The following DMD variants were observed in gnomAD, a reference collection of about 807,000 sequenced individuals.
DMD encodes mutant dystrophin.
Under a neutral mutation model 330.1 loss-of-function variants are expected in DMD, and 63 were observed. The ratio of observed to expected loss-of-function variants is 0.19; its 90% CI spans 0.16 to 0.24. The LOEUF is 0.24. Ranked by LOEUF, DMD falls within the 10% of genes least tolerant of loss-of-function variation. The probability of loss-of-function intolerance (pLI) is 1.00; values close to 1 mark genes in which losing one functional copy is unlikely to be tolerated. For synonymous variants in DMD, 1,223 were observed against 959.8 expected, an observed-to-expected ratio of 1.27 and a Z score of -5.07; for missense variants, 3,344 against 2,684.1, an observed-to-expected ratio of 1.25 and a Z score of -5.43.
chrX:32,397,249 A>G (rs1446775832), intron 30 of DMD, among the ~76,000 whole-genome samples: 3 of 111,500 alleles, frequency 2.7e-5, no homozygotes, highest in African/African-American at 6.5e-5. Context: ...CTAGGGGGAT[A>G]TGGATAGTAA....
chrX:32,441,786 A>G (rs1319483882), intron 27 of DMD, among the ~76,000 whole-genome samples: 1 of 111,459 alleles, frequency 9.0e-6, no homozygotes, highest in Non-Finnish European at 1.9e-5. Flanking sequence ...ATTACTAAGA[A>G]GACATATTTT....
At chrX:32,786,902 T>C (rs1025204832) in intron 7 of DMD, among the ~76,000 whole-genome samples, 2 of 111,350 alleles carry the variant, frequency 1.8e-5, no homozygotes, top group Non-Finnish European at 3.8e-5. Context: ...TTATACAATA[T>C]CAAGCAATGT....
At chrX:32,597,809 T>C (rs900239573) in intron 12 of DMD, among the ~76,000 whole-genome samples, 1 of 112,098 alleles carries the variant, frequency 8.9e-6, no homozygotes, top group African/African-American at 3.2e-5. Flanking sequence ...CCATAAGACC[T>C]TACCCTGTTA....
At chrX:31,322,755 T>C (rs905849802) in intron 62 of DMD, among the ~76,000 whole-genome samples, 2 of 111,830 alleles carry the variant, frequency 1.8e-5, no homozygotes, top group Non-Finnish European at 3.8e-5. Flanking sequence ...CGGAAAAAAA[T>C]GGGAAAACAT....
At chrX:32,692,201 G>C (rs888592188) in intron 9 of DMD, among the ~76,000 whole-genome samples, 1 of 112,217 alleles carries the variant, frequency 8.9e-6, no homozygotes, top group Admixed American at 9.4e-5. Flanking sequence ...TAAACGATAA[G>C]AGTGTAACTG....
chrX:32,100,391 G>GTATATA (rs57119778), intron 44 of DMD, among the ~76,000 whole-genome samples: 23 of 98,144 alleles, frequency 2.3e-4, no homozygotes, highest in African/African-American at 9.4e-4. Flanking sequence ...ATATATATAT[G>GTATATA]TATATATATA....
chrX:32,887,206 G>A lies in DMD; in HGVS notation c.94-37386C>T, dbSNP rs748480766. 2.1e-4 allele frequency among the ~76,000 whole-genome samples: 23 copies of A among 108,694 alleles called. No homozygotes were observed. The East Asian group carries it at 6.5e-3, about 31-fold the overall frequency. 94.4% of individuals were successfully genotyped at this position (108,694 alleles called of 115,157 possible). On this transcript the variant is annotated intron_variant, in intron 2 of 78. Transcript: ENST00000357033. The stretch of plus-strand genomic sequence containing the variant: ...ACTAAAAATACAAAAAATTAGCCGG[G>A]CGTGCTGACAGGAGCCTGTAGTCCC...
chrX:32,495,550 A>G (rs958455455), intron 19 of DMD, among the ~76,000 whole-genome samples: 28 of 111,897 alleles, frequency 2.5e-4, no homozygotes, highest in African/African-American at 8.8e-4. Context: ...CCTCTCTTCA[A>G]TTAAAATGAG....
intron 2 of DMD, among the ~76,000 whole-genome samples, chrX:32,953,068 G>T (rs1348880321): frequency 9.4e-6 from 1 of 106,087 alleles, no homozygotes; most frequent in Non-Finnish European, 1.9e-5. Context: ...CCAGGAGATG[G>T]AGGTTGTAGT....
At chrX:31,123,808 T>TA (rs1238595965) in intron 78 of DMD, among the ~76,000 whole-genome samples, 2 of 112,077 alleles carry the variant, frequency 1.8e-5, no homozygotes, top group Admixed American at 1.9e-4. Flanking sequence ...CTAGAAAACA[T>TA]ATTACAAAAC....
chrX:32,928,125 G>C (rs1038522065), intron 2 of DMD, among the ~76,000 whole-genome samples: 3 of 110,547 alleles, frequency 2.7e-5, no homozygotes. Flanking sequence ...TAAAACATTA[G>C]AAATATTAGA....
chrX:32,615,599 G>A (rs1183237815), intron 11 of DMD, among the ~76,000 whole-genome samples: 1 of 111,298 alleles, frequency 9.0e-6, no homozygotes, highest in Non-Finnish European at 1.9e-5. Flanking sequence ...TTTGAATTAG[G>A]AATATGTTAT....
chrX:31,897,790 T>G (rs2094364404), intron 47 of DMD, among the ~76,000 whole-genome samples: 1 of 107,285 alleles, frequency 9.3e-6, no homozygotes, highest in Non-Finnish European at 1.9e-5. Context: ...TTCTTGTAAA[T>G]TTGTTGGAGT....
At chrX:31,508,995 T>TAACA (rs1427137318) in intron 55 of DMD, among the ~76,000 whole-genome samples, 4 of 111,250 alleles carry the variant, frequency 3.6e-5, no homozygotes, top group Non-Finnish European at 5.7e-5. Context: ...GCATCACTGA[T>TAACA]GGACTCTAAA....
intron 43 of DMD, among the ~76,000 whole-genome samples, chrX:32,250,257 A>T (rs1344642596): frequency 7.2e-5 from 8 of 111,419 alleles, no homozygotes; most frequent in African/African-American, 2.6e-4. Context: ...TATGCCATTT[A>T]AAAAATCCCA....
intron 67 of DMD, among the ~76,000 whole-genome samples, chrX:31,199,281 G>T (rs1418535765): frequency 1.0e-5 from 1 of 98,752 alleles, no homozygotes; most frequent in Non-Finnish European, 2.1e-5. Flanking sequence ...TAAACTCGTT[G>T]CAAAACTTTA....
rs1281876510 is a variant in DMD, at chrX:32,973,172, T to C, written c.93+46967A>G. ...GGCTTCTAGTCAATTTGACCTTGTT[T>C]TACTGATTCTGATTTAGTGGCAAGA... is the stretch of plus-strand genomic sequence containing the variant. On this transcript the variant is annotated intron_variant, in intron 2 of 78. Transcript: ENST00000357033. 2.7e-5 allele frequency among the ~76,000 whole-genome samples: 3 copies of C among 112,456 alleles called. No homozygotes were observed. In the East Asian group the frequency reaches 8.4e-4, roughly 31 times the overall value.
chrX:31,827,856 A>G (rs2092925132), intron 49 of DMD, among the ~76,000 whole-genome samples: 1 of 111,531 alleles, frequency 9.0e-6, no homozygotes, highest in Admixed American at 9.6e-5. Flanking sequence ...AAATTAAAAT[A>G]TTTTTTGAAA....
chrX:31,239,085 C>G (rs371956121), intron 63 of DMD, among the ~76,000 whole-genome samples: 1 of 112,205 alleles, frequency 8.9e-6, no homozygotes, highest in South Asian at 3.7e-4. Context: ...TGAGGGTTAA[C>G]TAAGATTCTG....
Sources: gnomAD v4.1 joint callset for allele counts (sites outside exome capture counted in the v4.1 genomes callset) on GRCh38, gnomAD v4.1.1 for gene constraint, MANE v1.5 for transcripts, NCBI Gene and HGNC (gene_info 2026-07-23, HGNC 2026-07-21) for gene names.